The following DNAJB12 variants were observed in gnomAD, a reference collection of about 807,000 sequenced individuals.
DNAJB12 encodes DnaJ heat shock protein family (Hsp40) member B12.
DNAJB12 carries 14 observed loss-of-function variants against 40.6 expected under a neutral mutation model. The observed-to-expected ratio is 0.34, with a 90% CI of 0.23 to 0.54. The LOEUF (loss-of-function observed/expected upper bound fraction) is 0.54, where lower values mean the gene tolerates loss of function less well. DNAJB12 is among the 20% of genes least tolerant of loss of function. The pLI, the probability that DNAJB12 is intolerant of heterozygous loss-of-function variation, is 0.92. For synonymous variants in DNAJB12, 181 were observed against 199.5 expected, an observed-to-expected ratio of 0.91 and a Z score of 0.78; for missense variants, 444 against 501.7, an observed-to-expected ratio of 0.89 and a Z score of 1.10.
chr10:72,343,541 T>C, intron 2 of DNAJB12, 30 bp from the exon 3 acceptor site: 1 of 1,613,128 alleles, frequency 6.2e-7, no homozygotes. Context: ...TGGTACGGGG[T>C]GCTCTACATG....
chr10:72,337,835 C>A (rs1861519784), intron 6 of DNAJB12, among the ~76,000 whole-genome samples: 1 of 152,066 alleles, frequency 6.6e-6, no homozygotes, highest in Non-Finnish European at 1.5e-5. Context: ...AGTCACAAAG[C>A]CGCCGAAATT....
chr10:72,347,424 T>C (rs1221267917), intron 1 of DNAJB12, among the ~76,000 whole-genome samples: 1 of 152,160 alleles, frequency 6.6e-6, no homozygotes, highest in Non-Finnish European at 1.5e-5. Context: ...TGCTTAGCTG[T>C]AAAGAGGAAT....
intron 1 of DNAJB12, chr10:72,354,414 G>A (rs1024535799): frequency 5.6e-5 from 15 of 266,786 alleles, no homozygotes; most frequent in Admixed American, 4.4e-4. Flanking sequence ...CCGGCGACTG[G>A]CCTGGGCTAC....
chr10:72,354,717 C>G (rs765582890), intron 1 of DNAJB12, 48 bp downstream of exon 1: 1 of 1,522,254 alleles, frequency 6.6e-7, no homozygotes, highest in African/African-American at 1.4e-5. Context: ...TCCCGTGTTC[C>G]CCCCATCAGT....
chr10:72,341,439 C>A (rs182705364), intron 3 of DNAJB12, among the ~76,000 whole-genome samples: 27 of 152,230 alleles, frequency 1.8e-4, no homozygotes, highest in African/African-American at 6.3e-4. Context: ...TGCCAGGCCT[C>A]CTAGGAGTGT....
At chr10:72,344,803 G>A (rs1861735860) in intron 2 of DNAJB12, 147 bp downstream of exon 2, 2 of 905,640 alleles carry the variant, frequency 2.2e-6, no homozygotes, top group African/African-American at 1.6e-5. Context: ...GTCCTGGTGA[G>A]CCTGGACCCT....
intron 1 of DNAJB12, among the ~76,000 whole-genome samples, chr10:72,346,477 C>A (rs1222750645): frequency 6.6e-6 from 1 of 152,226 alleles, no homozygotes; most frequent in African/African-American, 2.4e-5. Context: ...AGGCGCCCAG[C>A]ACCATGCCCA....
At chr10:72,336,017 G>C in intron 7 of DNAJB12, 86 bp from the exon 8 acceptor site, 1 of 1,550,274 alleles carries the variant, frequency 6.5e-7, no homozygotes, top group Non-Finnish European at 8.8e-7. Flanking sequence ...GAGGGCGGAG[G>C]AAAGCTGGTA....
At position 72,346,054 on chromosome 10, in the gene DNAJB12, T is replaced by C. The variant is rs148246840; in HGVS notation, c.134-927A>G. 5.1e-3 allele frequency among the ~76,000 whole-genome samples: 782 copies of C among 152,330 alleles called. 6 individuals are homozygous for C. The highest frequency in any genetic ancestry group is 0.017 in the African/African-American group (711 of 41,576). ...TTCAGATAGTATACTTATACATATA[T>C]CTCTTTTCTTAATAAATTTAGGCAG... On this transcript the variant is annotated intron_variant, in intron 1 of 8. Coordinates refer to ENST00000444643, the MANE Select transcript of DNAJB12 (RefSeq NM_017626.7).
intron 3 of DNAJB12, 41 bp downstream of exon 3, chr10:72,343,325 G>A (rs1186184854): frequency 1.3e-6 from 2 of 1,596,054 alleles, no homozygotes; most frequent in East Asian, 4.5e-5. Context: ...ATGGACAGGA[G>A]ATGAACACAC....
In DNAJB12 at chr10:72,354,738, CCA is replaced by C. The variant is rs763678453; in HGVS notation, c.133+25_133+26del. 2.0e-5 allele frequency: 31 copies of C among 1,589,640 alleles called. 1 individual carries two copies. In the East Asian group the frequency reaches 6.9e-4, roughly 36 times the overall value. On this transcript the variant is annotated intron_variant, in intron 1 of 8. Coordinates refer to ENST00000444643, the MANE Select transcript of DNAJB12 (RefSeq NM_017626.7). Reference sequence around the variant, plus strand: ...GTTCCCCCCATCAGTTCTAATGTCCCCAGTCTCTCCGGCACCTCACACTCACC... The same window carrying C: ...GTTCCCCCCATCAGTTCTAATGTCCCGTCTCTCCGGCACCTCACACTCACC...
At position 72,333,141 on chromosome 10, in the gene DNAJB12, C is replaced by T. The variant is rs1861362227; in HGVS notation, c.*1507G>A. ...CCGAACTTCCTTTCCCAGCAAGAAT[C>T]CTATTTGTTGGGGGACTTTTAAAAA... On this transcript the variant is annotated 3_prime_UTR_variant, in exon 9 of 9. Transcript: ENST00000444643. 1 of 152,140 alleles carries T rather than the reference C, an allele frequency of 6.6e-6. No homozygotes were observed. The highest frequency in any genetic ancestry group is 6.5e-5 in the Admixed American group (1 of 15,286). 9.4% of individuals were successfully genotyped at this position (152,140 alleles called of 1,614,324 possible). A position where few individuals can be genotyped will look rare whatever the true frequency, so the allele number is the denominator to read the frequency against.
chr10:72,344,526 C>T (rs927593481), intron 2 of DNAJB12, among the ~76,000 whole-genome samples: 10 of 152,250 alleles, frequency 6.6e-5, no homozygotes, highest in East Asian at 1.9e-4. Flanking sequence ...TGCCTCTGGT[C>T]TCCATTCTAC....
In DNAJB12 at chr10:72,335,056, A is replaced by C; in HGVS notation, c.*31-439T>G. The C allele has an allele frequency of 9.9e-7, 1 of 1,008,748 alleles. No individual in the cohort carries two copies. The highest frequency in any genetic ancestry group is 1.2e-6 in the Non-Finnish European group (1 of 844,676). The allele number at this position is 1,008,748 out of a possible 1,614,324, so 62.5% of individuals were successfully genotyped here. On this transcript the variant is annotated intron_variant, in intron 8 of 8. Coordinates refer to ENST00000444643, the MANE Select transcript of DNAJB12 (RefSeq NM_017626.7). This position sits in a 1 kb window ranked among gnomAD's most constrained non-coding sequence, Gnocchi z 4.4. ...TGCTGAGCGGCTGCGTCTGACCCTGAACTCATGACCTTCTGTTCCCTTCCT... is the reference window on the plus strand; with the variant it reads ...TGCTGAGCGGCTGCGTCTGACCCTGCACTCATGACCTTCTGTTCCCTTCCT...
In DNAJB12 at chr10:72,336,598, T is replaced by C; in HGVS notation, c.932A>G (p.Lys311Arg). The change falls in exon 7 of 9, where the codon AAA becomes AGA. Residue 311 changes from lysine (K) to arginine (R), a missense_variant. Physicochemically the swap from Lys to Arg is conservative, Grantham distance 26. Transcript: ENST00000444643. ...ATCTTCCACATTCCGCTCGACTGTT[T>C]TGAGGCTGGAGCCTGTGTACTCTTC... Reference protein sequence around the residue: ...FSEEYTGSSLKTVERNVEDDY... With the variant: ...FSEEYTGSSLRTVERNVEDDY... 1.9e-6 allele frequency: 3 copies of C among 1,614,186 alleles called. No homozygotes were observed. The highest frequency in any genetic ancestry group is 1.1e-5 in the South Asian group (1 of 91,090).
At position 72,335,968 on chromosome 10, in the gene DNAJB12, T is replaced by C. The variant is rs1589122276; in HGVS notation, c.1007-37A>G. The stretch of plus-strand genomic sequence containing the variant: ...TGGGACAGGGTTAGTGCACACCCAG[T>C]ACCTCCCGAAGCCTGCAAGGAAGCC... On this transcript the variant is annotated intron_variant, in intron 7 of 8. Transcript: ENST00000444643. The surrounding 1 kb of genome is among the most constrained non-coding windows in gnomAD (Gnocchi z 4.4). 1 of 1,611,374 alleles carries C rather than the reference T, an allele frequency of 6.2e-7. No homozygotes were observed. Among genetic ancestry groups the C allele is most frequent in the Non-Finnish European group, 8.5e-7 (1 of 1,178,172 alleles).
intron 2 of DNAJB12, among the ~76,000 whole-genome samples, chr10:72,343,935 A>C (rs1861712126): frequency 6.6e-6 from 1 of 151,924 alleles, no homozygotes; most frequent in African/African-American, 2.4e-5. Flanking sequence ...TAAATATTTA[A>C]AGATAGAGAC....
chr10:72,347,059 G>C (rs1203122614), intron 1 of DNAJB12, among the ~76,000 whole-genome samples: 1 of 151,782 alleles, frequency 6.6e-6, no homozygotes, highest in East Asian at 1.9e-4. Flanking sequence ...CTGCCTCCCG[G>C]TTTCAAGCGA....
intron 1 of DNAJB12, among the ~76,000 whole-genome samples, chr10:72,349,932 G>C (rs1014893513): frequency 2.0e-5 from 3 of 152,288 alleles, no homozygotes; most frequent in Middle Eastern, 3.4e-3. Context: ...TCATGGCACA[G>C]AGGCTGACAG....
Sources: allele counts gnomAD v4.1 joint callset (sites outside exome capture counted in the v4.1 genomes callset), GRCh38; gene constraint gnomAD v4.1.1; non-coding constraint Gnocchi (gnomAD v3.1); transcripts MANE v1.5; gene names NCBI Gene and HGNC (gene_info 2026-07-23, HGNC 2026-07-21).